The following ADAMTSL1 variants were observed in gnomAD, a reference collection of about 807,000 sequenced individuals.
The protein encoded by ADAMTSL1 is ADAMTS-like protein 1.
A neutral mutation model predicts 201.8 loss-of-function variants in ADAMTSL1; 126 were observed. That is an observed-to-expected ratio of 0.62 (90% CI 0.54 to 0.72). The LOEUF is 0.72. ADAMTSL1 is among the 30% of genes least tolerant of loss of function. ADAMTSL1 has a pLI of 0.00. For missense variants in ADAMTSL1, 2,679 were observed against 2,277.8 expected (o/e 1.18, Z -3.59); for synonymous variants, 1,121 against 903.4 (o/e 1.24, Z -4.32).
At chr9:18,535,894 C>G (rs1283538284) in intron 3 of ADAMTSL1, among the ~76,000 whole-genome samples, 1 of 152,112 alleles carries the variant, frequency 6.6e-6, no homozygotes, top group Non-Finnish European at 1.5e-5. Flanking sequence ...CTTCCCTTGA[C>G]ACGCAGGGAT....
At chr9:18,473,905 G>T, upstream of ADAMTSL1, 1 of 346,400 alleles carries the variant, frequency 2.9e-6, no homozygotes. Context: ...TTCCCTTCTC[G>T]CTCTGCTGCT....
chr9:18,266,718 T>C (rs1283406787), intron 2 of ADAMTSL1, among the ~76,000 whole-genome samples: 1 of 152,168 alleles, frequency 6.6e-6, no homozygotes, highest in East Asian at 1.9e-4. Context: ...GCCCTATCGA[T>C]TAACCCCATT....
intron 26 of ADAMTSL1, among the ~76,000 whole-genome samples, chr9:18,904,621 G>C (rs1830190244): frequency 1.4e-5 from 1 of 73,572 alleles, no homozygotes. Flanking sequence ...GCAACAGAAA[G>C]AGACCCTGCC....
chr9:18,434,374 A>G (rs1819630663), intron 2 of ADAMTSL1, among the ~76,000 whole-genome samples: 1 of 152,118 alleles, frequency 6.6e-6, no homozygotes, highest in South Asian at 2.1e-4. Context: ...TTAAAATTCA[A>G]TTTTGGCAAA....
chr9:18,869,268 A>G (rs919809930), intron 23 of ADAMTSL1, among the ~76,000 whole-genome samples: 2 of 152,224 alleles, frequency 1.3e-5, no homozygotes, highest in Non-Finnish European at 2.9e-5. Context: ...CTATCAGACA[A>G]TAAATTCATC....
intron 2 of ADAMTSL1, among the ~76,000 whole-genome samples, chr9:18,461,665 C>G (rs1337380102): frequency 6.6e-6 from 1 of 152,064 alleles, no homozygotes; most frequent in African/African-American, 2.4e-5. Flanking sequence ...GTATCTTGCC[C>G]TAACCTGTCC....
intron 3 of ADAMTSL1, among the ~76,000 whole-genome samples, chr9:18,566,331 C>T (rs1821889629): frequency 6.6e-6 from 1 of 152,034 alleles, no homozygotes; most frequent in Non-Finnish European, 1.5e-5. Flanking sequence ...TAACAGAAAG[C>T]CAAATGGGAA....
rs770851336 is a variant in ADAMTSL1 at position 18,777,002 on chromosome 9, A to G, written c.2773A>G (p.Thr925Ala). Residue 925 changes from threonine (T) to alanine (A), a missense_variant, in exon 19 of 29, where the codon ACG becomes GCG. Transcript: ENST00000380548. ...GQHLISSTHV[T>A]VAPFGYLKIH... ...GCACCTCATCAGCTCGACGCACGTC[A>G]CGGTGGCCCCCTTCGGCTATCTCAA... 3.6e-5 allele frequency: 58 copies of G among 1,603,042 alleles called. No individual in the cohort carries two copies. The African/African-American group carries it at 5.9e-4, about 16-fold the overall frequency.
chr9:18,199,017 C>A (rs1587291093), intron 2 of ADAMTSL1, among the ~76,000 whole-genome samples: 1 of 144,452 alleles, frequency 6.9e-6, no homozygotes, highest in African/African-American at 2.5e-5. Flanking sequence ...GAACAAAAAA[C>A]CAAACACCGC....
intron 1 of ADAMTSL1, among the ~76,000 whole-genome samples, chr9:18,494,527 A>G (rs1822431906): frequency 6.6e-6 from 1 of 152,172 alleles, no homozygotes; most frequent in South Asian, 2.1e-4. Context: ...TATCAAGATC[A>G]TGACCCGATT....
intron 1 of ADAMTSL1, among the ~76,000 whole-genome samples, chr9:17,993,563 A>G (rs951433846): frequency 5.3e-5 from 8 of 152,134 alleles, no homozygotes; most frequent in Non-Finnish European, 8.8e-5. Context: ...TTCCAATCTA[A>G]TGAGAAGTGA....
chr9:18,906,883 A>G lies in ADAMTSL1; in HGVS notation c.5153A>G (p.Gln1718Arg), dbSNP rs757994465. 1.9e-6 allele frequency: 3 copies of G among 1,613,984 alleles called. No individual in the cohort carries two copies. Among genetic ancestry groups the G allele is most frequent in the Non-Finnish European group, 2.5e-6 (3 of 1,179,870 alleles). Reference sequence around the variant, plus strand: ...TGGGGGCCCCGGCCTGCCAACTGGCAGCGCTGCAACATCACCCCATGTGAA... The same window carrying G: ...TGGGGGCCCCGGCCTGCCAACTGGCGGCGCTGCAACATCACCCCATGTGAA... ...CSWGPRPANW[Q>R]RCNITPCENM... Residue 1718 changes from glutamine to arginine, a missense_variant, in exon 28 of 29, where the codon CAG (glutamine) becomes CGG (arginine). Coordinates refer to ENST00000380548, the MANE Select transcript of ADAMTSL1 (RefSeq NM_001040272.6).
intron 2 of ADAMTSL1, among the ~76,000 whole-genome samples, chr9:18,193,465 A>G (rs1349852889): frequency 6.6e-6 from 1 of 152,028 alleles, no homozygotes; most frequent in Admixed American, 6.6e-5. Flanking sequence ...TTTGCCTTGG[A>G]AGAAGCCTTT....
intron 1 of ADAMTSL1, among the ~76,000 whole-genome samples, chr9:17,980,868 G>A (rs1217535903): frequency 6.6e-6 from 1 of 152,102 alleles, no homozygotes; most frequent in African/African-American, 2.4e-5. Flanking sequence ...TTCTGATAGG[G>A]GCTTCAGGCT....
intron 15 of ADAMTSL1, among the ~76,000 whole-genome samples, chr9:18,736,979 C>T (rs889971317): frequency 6.6e-6 from 1 of 152,056 alleles, no homozygotes; most frequent in Non-Finnish European, 1.5e-5. Context: ...TCAAATGTGC[C>T]CACTTGTCCA....
At position 18,777,425 on chromosome 9, in the gene ADAMTSL1, C is replaced by G. The variant is rs764090535; in HGVS notation, c.3196C>G (p.His1066Asp). The part of the protein sequence containing the change: ...EDPGAEQVLL[H>D]LPFTMVTEQR... ...CCCGGGTGCAGAGCAAGTGCTCCTG[C>G]ACCTGCCCTTCACCATGGTGACCGA... The change falls in exon 19 of 29, where the codon CAC (histidine) becomes GAC (aspartate). Residue 1066 changes from histidine to aspartate, a missense_variant. His to Asp is a moderately conservative substitution (Grantham distance 81, BLOSUM62 -1). Coordinates refer to ENST00000380548, the MANE Select transcript of ADAMTSL1 (RefSeq NM_001040272.6). 8 of 1,600,350 alleles carry G rather than the reference C, an allele frequency of 5.0e-6. No individual in the cohort carries two copies. The highest frequency in any genetic ancestry group is 6.8e-6 in the Non-Finnish European group (8 of 1,174,004).
At chr9:18,890,434 G>A (rs980932788) in intron 25 of ADAMTSL1, 1 of 448,740 alleles carries the variant, frequency 2.2e-6, no homozygotes, top group Non-Finnish European at 4.5e-6. Context: ...TGGGCTTGGA[G>A]TTGGCACTGG....
intron 23 of ADAMTSL1, among the ~76,000 whole-genome samples, chr9:18,838,507 C>G (rs72692434): frequency 6.6e-6 from 1 of 151,410 alleles, no homozygotes; most frequent in African/African-American, 2.4e-5. Flanking sequence ...TCAGGTGGCT[C>G]CAGTTTAAAA....
At chr9:18,530,914 T>C (rs146704714) in intron 2 of ADAMTSL1, among the ~76,000 whole-genome samples, 5 of 152,310 alleles carry the variant, frequency 3.3e-5, no homozygotes, top group East Asian at 1.9e-4. Context: ...AACTTCAAAA[T>C]TGAAAAGCAT....
Sources: allele counts gnomAD v4.1 joint callset (sites outside exome capture counted in the v4.1 genomes callset), GRCh38; gene constraint gnomAD v4.1.1; transcripts MANE v1.5; gene names NCBI Gene and HGNC (gene_info 2026-07-23, HGNC 2026-07-21).